The following ST6GALNAC3 variants were observed in gnomAD, a reference collection of about 807,000 sequenced individuals.
ST6GALNAC3 encodes alpha-N-acetylgalactosaminide alpha-2,6-sialyltransferase 3.
ST6GALNAC3 carries 25 observed loss-of-function variants against 32.7 expected under a neutral mutation model. The ratio of observed to expected loss-of-function variants is 0.76; its 90% CI spans 0.56 to 1.07. The LOEUF (loss-of-function observed/expected upper bound fraction) is 1.07. ST6GALNAC3 is among the 50% of genes least tolerant of loss of function. The probability of loss-of-function intolerance (pLI) is 0.00; values close to 1 mark genes in which losing one functional copy is unlikely to be tolerated. For missense variants in ST6GALNAC3, 355 were observed against 382.4 expected (o/e 0.93, Z 0.60); for synonymous variants, 129 against 133.1 (o/e 0.97, Z 0.21).
In ST6GALNAC3 at chr1:76,386,438, C is replaced by T. The variant is rs181591793; in HGVS notation, c.214-25570C>T. Among the ~76,000 whole-genome samples the T allele has an allele frequency of 4.6e-5, 7 of 151,348 alleles. No individual in the cohort carries two copies. The South Asian group carries it at 1.1e-3, about 23-fold the overall frequency. The stretch of plus-strand genomic sequence containing the variant: ...TAAATTATAGCAATTGCTATTATTG[C>T]GGTTGCTATTTTTATTTCTCAGCCA... On this transcript the variant is annotated intron_variant, in intron 2 of 4. Transcript: ENST00000328299.
At chr1:76,158,606 G>A (rs147900394) in intron 1 of ST6GALNAC3, among the ~76,000 whole-genome samples, 8 of 152,190 alleles carry the variant, frequency 5.3e-5, no homozygotes, top group East Asian at 1.9e-4. Flanking sequence ...AAATTTAAGC[G>A]AGGTAAAATC....
At chr1:76,078,822 C>T (rs1403127485) in intron 1 of ST6GALNAC3, among the ~76,000 whole-genome samples, 1 of 152,048 alleles carries the variant, frequency 6.6e-6, no homozygotes, top group Non-Finnish European at 1.5e-5. Flanking sequence ...ACTCTGTTGC[C>T]CAGGCTGGAG....
chr1:76,326,226 A>T (rs533142716), intron 2 of ST6GALNAC3, among the ~76,000 whole-genome samples: 1 of 152,274 alleles, frequency 6.6e-6, no homozygotes, highest in South Asian at 2.1e-4. Context: ...TGGTGGAAAA[A>T]GCACAAAAGA....
At chr1:76,096,723 G>T (rs1647138294) in intron 1 of ST6GALNAC3, among the ~76,000 whole-genome samples, 1 of 151,042 alleles carries the variant, frequency 6.6e-6, no homozygotes, top group Non-Finnish European at 1.5e-5. Flanking sequence ...GAACATCGTA[G>T]GTGTCCCAGA....
intron 3 of ST6GALNAC3, among the ~76,000 whole-genome samples, chr1:76,575,831 CT>C (rs201974818): frequency 2.6e-5 from 4 of 151,190 alleles, no homozygotes; most frequent in Non-Finnish European, 5.9e-5. Flanking sequence ...ACCAGATTTT[CT>C]TTTTTTTTAA....
At chr1:76,569,125 A>G (rs1012510429) in intron 3 of ST6GALNAC3, among the ~76,000 whole-genome samples, 8 of 152,176 alleles carry the variant, frequency 5.3e-5, no homozygotes, top group African/African-American at 1.7e-4. Context: ...AGGGAAATGA[A>G]TGAAGGGCCA....
chr1:76,625,233 G>A (rs1022843722), intron 3 of ST6GALNAC3, among the ~76,000 whole-genome samples: 1 of 151,900 alleles, frequency 6.6e-6, no homozygotes, highest in Admixed American at 6.6e-5. Context: ...ACTAGACCAT[G>A]TACTCTTAAG....
chr1:76,525,503 A>G (rs187629183), intron 3 of ST6GALNAC3, among the ~76,000 whole-genome samples: 1 of 151,734 alleles, frequency 6.6e-6, no homozygotes, highest in Non-Finnish European at 1.5e-5. Context: ...AAGTGAATCG[A>G]TGATATAGAT....
chr1:76,475,540 A>G (rs1242005371), intron 3 of ST6GALNAC3, among the ~76,000 whole-genome samples: 2 of 152,202 alleles, frequency 1.3e-5, no homozygotes, highest in African/African-American at 2.4e-5. Flanking sequence ...TGTTTACAAT[A>G]AGAAACTTGG....
intron 1 of ST6GALNAC3, among the ~76,000 whole-genome samples, chr1:76,223,352 C>T (rs1655886451): frequency 6.6e-6 from 1 of 152,106 alleles, no homozygotes; most frequent in African/African-American, 2.4e-5. Context: ...AGTGAGAACA[C>T]ATAAACGCGA....
At chr1:76,544,237 A>G (rs1664159835) in intron 3 of ST6GALNAC3, among the ~76,000 whole-genome samples, 1 of 152,142 alleles carries the variant, frequency 6.6e-6, no homozygotes, top group Non-Finnish European at 1.5e-5. Flanking sequence ...CCACTGAACA[A>G]ATCTCAGACT....
intron 3 of ST6GALNAC3, among the ~76,000 whole-genome samples, chr1:76,489,707 T>C (rs1411240410): frequency 6.6e-6 from 1 of 152,084 alleles, no homozygotes; most frequent in Non-Finnish European, 1.5e-5. Flanking sequence ...GGGACTTAGG[T>C]GCGTTCTCCG....
At chr1:76,082,876 TG>T (rs898413302) in intron 1 of ST6GALNAC3, among the ~76,000 whole-genome samples, 3 of 148,906 alleles carry the variant, frequency 2.0e-5, no homozygotes, top group African/African-American at 4.9e-5. Flanking sequence ...TCGTGTTTTT[TG>T]TTTTTTTTTT....
intron 3 of ST6GALNAC3, among the ~76,000 whole-genome samples, chr1:76,498,453 TATG>T (rs1660989198): frequency 6.6e-6 from 1 of 152,148 alleles, no homozygotes; most frequent in Admixed American, 6.6e-5. Flanking sequence ...CCTGATGGCT[TATG>T]GTGACTGGGA....
chr1:76,192,401 T>A (rs1414815729), intron 1 of ST6GALNAC3, among the ~76,000 whole-genome samples: 1 of 152,196 alleles, frequency 6.6e-6, no homozygotes, highest in African/African-American at 2.4e-5. Flanking sequence ...AGAGCTGCTC[T>A]CTAGTCGACT....
rs1377477954 is a variant in ST6GALNAC3 at position 76,631,212 on chromosome 1, C to T, written c.*2406C>T. On this transcript the variant is annotated 3_prime_UTR_variant, in exon 5 of 5. Transcript: ENST00000328299. ...CTTTCCTCTCCTCTCCTCTCGTCTC[C>T]TCTTTCTTTCCTTTCTTTTTGCAAC... 1 of 169,606 alleles carries T rather than the reference C, an allele frequency of 5.9e-6. No individual in the cohort carries two copies. The highest frequency in any genetic ancestry group is 1.9e-4 in the South Asian group (1 of 5,140). 10.5% of individuals were successfully genotyped at this position (169,606 alleles called of 1,614,324 possible).
chr1:76,104,464 A>T (rs1230278420), intron 1 of ST6GALNAC3, among the ~76,000 whole-genome samples: 3 of 152,072 alleles, frequency 2.0e-5, no homozygotes. Flanking sequence ...CAAATGATAC[A>T]CCTGGTCAGT....
chr1:76,466,976 A>G (rs2101614689), intron 3 of ST6GALNAC3, among the ~76,000 whole-genome samples: 1 of 152,224 alleles, frequency 6.6e-6, no homozygotes, highest in South Asian at 2.1e-4. Flanking sequence ...GAAGATTAAT[A>G]TTAATGAAAA....
chr1:76,113,991 ATTT>A (rs754290749), intron 1 of ST6GALNAC3, among the ~76,000 whole-genome samples: 1 of 125,164 alleles, frequency 8.0e-6, no homozygotes, highest in Admixed American at 8.0e-5. Flanking sequence ...CGCCCGGCTA[ATTT>A]TTTTTTTTTT....
Sources: gnomAD v4.1 joint callset for allele counts (sites outside exome capture counted in the v4.1 genomes callset) on GRCh38, gnomAD v4.1.1 for gene constraint, MANE v1.5 for transcripts, NCBI Gene and HGNC (gene_info 2026-07-23, HGNC 2026-07-21) for gene names.